Variants in ERI1 observed in about 807,000 individuals in gnomAD.
The protein encoded by ERI1 is exoribonuclease 1.
A neutral mutation model predicts 39.7 loss-of-function variants in ERI1; 39 were observed. The observed-to-expected ratio is 0.98, with a 90% CI of 0.76 to 1.28. ERI1 has a LOEUF of 1.28. Among genes scored for constraint, ERI1 ranks in the 50% most tolerant of loss-of-function variants. The pLI is 0.00. For synonymous variants in ERI1, 204 were observed against 149.6 expected (o/e 1.36, Z -2.65); for missense variants, 581 against 416.9 (o/e 1.39, Z -3.43).
intron 3 of ERI1, among the ~76,000 whole-genome samples, chr8:9,057,667 G>A (rs1798552254): frequency 6.6e-6 from 1 of 151,634 alleles, no homozygotes; most frequent in Non-Finnish European, 1.5e-5. Flanking sequence ...AGGAGAGGAA[G>A]AAAGTAAACA....
chr8:9,096,708 C>CTTTTTT (rs557869870), intron 3 of ERI1: 17 of 96,580 alleles, frequency 1.8e-4, no homozygotes, highest in East Asian at 4.1e-4. Flanking sequence ...CTATTGCCAT[C>CTTTTTT]TTTTTTTTTT....
At position 9,052,667 on chromosome 8, in the gene ERI1, G is replaced by T. The variant is rs189713459; in HGVS notation, n.299+32203G>T. Among the ~76,000 whole-genome samples the T allele has an allele frequency of 1.9e-4, 29 of 152,318 alleles. 1 individual carries two copies. The East Asian group carries it at 5.4e-3, about 28-fold the overall frequency. The stretch of plus-strand genomic sequence containing the variant: ...ATACATTTAGGGAAACTGCAATCAA[G>T]AGATTTACCCAGAAAACACATTTCA... On this transcript the variant is annotated intron_variant and non_coding_transcript_variant, in intron 3 of 3. Coordinates refer to the ERI1 transcript ENST00000518663.
chr8:9,055,068 TC>T (rs1411111088), intron 3 of ERI1, among the ~76,000 whole-genome samples: 2 of 152,184 alleles, frequency 1.3e-5, no homozygotes, highest in African/African-American at 4.8e-5. Context: ...AATTCGCGAA[TC>T]AGCAGCTGCC....
At chr8:9,007,795 G>A (rs539102127) in intron 1 of ERI1, among the ~76,000 whole-genome samples, 175 bp from the exon 2 acceptor site, 24 of 152,228 alleles carry the variant, frequency 1.6e-4, no homozygotes, top group African/African-American at 3.9e-4. Context: ...TATTGGAGAC[G>A]CATCTTCCTT....
intron 3 of ERI1, among the ~76,000 whole-genome samples, chr8:9,064,114 G>A (rs1268837630): frequency 6.6e-6 from 1 of 151,932 alleles, no homozygotes; most frequent in Non-Finnish European, 1.5e-5. Context: ...AGAGATAAGA[G>A]GTCGGGGCAT....
chr8:9,056,436 G>C (rs1042530506), intron 3 of ERI1, among the ~76,000 whole-genome samples: 1 of 152,182 alleles, frequency 6.6e-6, no homozygotes, highest in Non-Finnish European at 1.5e-5. Flanking sequence ...GCCGTGTATA[G>C]TTTGCTTAAC....
intron 3 of ERI1, among the ~76,000 whole-genome samples, chr8:9,014,395 C>G (rs1053365252): frequency 2.5e-4 from 38 of 152,128 alleles, no homozygotes; most frequent in African/African-American, 8.7e-4. Context: ...GTGGCCTGTG[C>G]CCATGTTTCT....
At chr8:9,046,023 A>G (rs867846433) in intron 3 of ERI1, among the ~76,000 whole-genome samples, 3 of 152,134 alleles carry the variant, frequency 2.0e-5, no homozygotes, top group Non-Finnish European at 4.4e-5. Context: ...GACCCCACTC[A>G]GAGATTCTAG....
intron 3 of ERI1, among the ~76,000 whole-genome samples, chr8:9,012,790 A>T (rs183895422): frequency 6.6e-6 from 1 of 152,154 alleles, no homozygotes; most frequent in African/African-American, 2.4e-5. Flanking sequence ...ACTTCATCCC[A>T]CTTCACTGCC....
chr8:9,011,604 T>A lies in ERI1; in HGVS notation c.350T>A (p.Leu117Gln), dbSNP rs780639217. 6 of 1,613,464 alleles carry A rather than the reference T, an allele frequency of 3.7e-6. No individual in the cohort carries two copies. Among genetic ancestry groups the A allele is most frequent in the Non-Finnish European group, 5.1e-6 (6 of 1,179,660 alleles). The change falls in exon 3 of 7, where the codon CTG (leucine) becomes CAG (glutamine). Residue 117 changes from leucine to glutamine, a missense_variant. By Grantham distance (113) the Leu-to-Gln change is moderately radical. Coordinates refer to ENST00000250263, the MANE Select transcript of ERI1 (RefSeq NM_153332.4). ...KNYYKKQKLM[L>Q]KESNFADSYY... is the part of the protein sequence containing the mutation. Reference sequence around the variant, plus strand: ...TATTATAAGAAGCAGAAGCTGATGCTGAAAGAGAGCAATTTTGCTGACAGT... The same window carrying A: ...TATTATAAGAAGCAGAAGCTGATGCAGAAAGAGAGCAATTTTGCTGACAGT...
chr8:9,083,056 T>C (rs1055547309), intron 3 of ERI1, among the ~76,000 whole-genome samples: 1 of 152,230 alleles, frequency 6.6e-6, no homozygotes, highest in African/African-American at 2.4e-5. Context: ...ATGTATTTGC[T>C]ATTTATCTGA....
chr8:9,002,962 C>G lies in ERI1; in HGVS notation c.-102C>G. ...TGGCCGCCGCCGCGGGAACGCGAGC[C>G]CGGTAATTTTTCAACGGAGAAAGGC... On this transcript the variant is annotated 5_prime_UTR_variant, in exon 1 of 7. Coordinates refer to ENST00000250263, the MANE Select transcript of ERI1 (RefSeq NM_153332.4). The G allele has an allele frequency of 1.2e-6, 1 of 850,926 alleles. No homozygotes were observed. The highest frequency in any genetic ancestry group is 1.7e-5 in the African/African-American group (1 of 57,438). The allele number at this position is 850,926 out of a possible 1,614,324, so 52.7% of individuals were successfully genotyped here.
rs1328038318 is a variant in ERI1, at chr8:9,032,869, C to T, written c.*2835C>T. ...CCTCACAGATGAGCACGCACGGGTG[C>T]ATTGTCAAAGTCTGAGAAGGATGTA... On this transcript the variant is annotated 3_prime_UTR_variant, in exon 7 of 7. Transcript: ENST00000250263. 6.6e-6 allele frequency: 1 copy of T among 152,150 alleles called. No homozygotes were observed. Among genetic ancestry groups the T allele is most frequent in the Non-Finnish European group, 1.5e-5 (1 of 68,036 alleles). 9.4% of individuals were successfully genotyped at this position (152,150 alleles called of 1,614,324 possible).
intron 3 of ERI1, among the ~76,000 whole-genome samples, chr8:9,045,342 C>T (rs1369529776): frequency 6.6e-6 from 1 of 151,840 alleles, no homozygotes; most frequent in Admixed American, 6.6e-5. Flanking sequence ...AGGGTAGGGA[C>T]TTCCCCATCC....
rs915593494 is a variant in ERI1, at chr8:9,032,433, C to A, written c.*2399C>A. ...AACTGAAGTATATAATAGAGCATTA[C>A]ATTTTATCTTTATTTGTGTTCTGTT... On this transcript the variant is annotated 3_prime_UTR_variant, in exon 7 of 7. Coordinates refer to ENST00000250263, the MANE Select transcript of ERI1 (RefSeq NM_153332.4). The A allele has an allele frequency of 6.6e-6, 1 of 152,096 alleles. No individual in the cohort carries two copies. The highest frequency in any genetic ancestry group is 1.9e-4 in the East Asian group (1 of 5,200). 9.4% of individuals were successfully genotyped at this position (152,096 alleles called of 1,614,324 possible).
intron 3 of ERI1, among the ~76,000 whole-genome samples, chr8:9,077,047 T>G (rs942163937): frequency 6.6e-6 from 1 of 152,248 alleles, no homozygotes; most frequent in South Asian, 2.1e-4. Flanking sequence ...ATGTACCTCA[T>G]ACGCATGCCA....
Position 9,003,031 on chromosome 8 carries a change from C to A in ERI1, c.-33C>A. The A allele has an allele frequency of 1.7e-6, 2 of 1,205,226 alleles. No homozygotes were observed. The highest frequency in any genetic ancestry group is 1.1e-6 in the Non-Finnish European group (1 of 950,490). 74.7% of individuals were successfully genotyped at this position (1,205,226 alleles called of 1,614,324 possible). On this transcript the variant is annotated 5_prime_UTR_variant, in exon 1 of 7. Coordinates refer to ENST00000250263, the MANE Select transcript of ERI1 (RefSeq NM_153332.4). ...AGAGTGAGAGTTAGCAAGTGTCCGG[C>A]TCCAGCAACTCTCCTCTGGCGTGAC...
chr8:9,096,460 T>C (rs1287122840), intron 3 of ERI1, among the ~76,000 whole-genome samples: 1 of 152,124 alleles, frequency 6.6e-6, no homozygotes, highest in Non-Finnish European at 1.5e-5. Flanking sequence ...CAATGCTTTC[T>C]TTCCCATGGA....
downstream of ERI1, chr8:9,033,395 G>A (rs1797724039): frequency 6.6e-6 from 1 of 151,990 alleles, no homozygotes; most frequent in East Asian, 1.9e-4. Context: ...TACAATGGCA[G>A]AGTTGAATAG....
Sources: gnomAD v4.1 joint callset for allele counts (sites outside exome capture counted in the v4.1 genomes callset) on GRCh38, gnomAD v4.1.1 for gene constraint, MANE v1.5 for transcripts, NCBI Gene and HGNC (gene_info 2026-07-23, HGNC 2026-07-21) for gene names.